LINGO1: variants seen among roughly 807,000 people sequenced by gnomAD.
LINGO1 encodes leucine rich repeat and Ig domain containing 1.
A neutral mutation model predicts 37.3 loss-of-function variants in LINGO1; 11 were observed. That is an observed-to-expected ratio of 0.29 (90% confidence interval 0.19 to 0.49). The LOEUF is 0.49. Ranked by LOEUF, LINGO1 falls within the 20% of genes least tolerant of loss-of-function variation. LINGO1 has a pLI of 0.99. For synonymous variants in LINGO1, 387 were observed against 403.0 expected (o/e 0.96, Z 0.48); for missense variants, 585 against 878.2 (o/e 0.67, Z 4.22).
chr15:77,649,225 G>A (rs1037830791), intron 3 of LINGO1: 1 of 152,228 alleles, frequency 6.6e-6, no homozygotes, highest in African/African-American at 2.4e-5. Flanking sequence ...ATATAAATGG[G>A]AATGTTCTAG....
chr15:77,794,636 G>A (rs1312158794), intron 2 of LINGO1, among the ~76,000 whole-genome samples: 1 of 145,834 alleles, frequency 6.9e-6, no homozygotes, highest in Non-Finnish European at 1.5e-5. Flanking sequence ...CGCCCAGGCT[G>A]GAGTGCAGTG....
intron 1 of LINGO1, among the ~76,000 whole-genome samples, chr15:77,800,910 A>C (rs2076912900): frequency 6.6e-6 from 1 of 152,244 alleles, no homozygotes; most frequent in South Asian, 2.1e-4. Context: ...CAATAAATGC[A>C]TGAAAAGATG....
intron 3 of LINGO1, among the ~76,000 whole-genome samples, chr15:77,645,935 G>A (rs557907221): frequency 3.3e-4 from 50 of 152,336 alleles, no homozygotes; most frequent in African/African-American, 1.0e-3. Flanking sequence ...AGGTGGCCTC[G>A]GTGTGGCTGG....
chr15:77,813,807 G>C (rs2077026431), intron 1 of LINGO1, among the ~76,000 whole-genome samples: 1 of 152,200 alleles, frequency 6.6e-6, no homozygotes, highest in Non-Finnish European at 1.5e-5. Flanking sequence ...GTCCAAAGGG[G>C]AAAGCCGAGG....
chr15:77,669,163 G>C (rs896804375), intron 3 of LINGO1, among the ~76,000 whole-genome samples: 2 of 152,254 alleles, frequency 1.3e-5, no homozygotes, highest in Non-Finnish European at 2.9e-5. Flanking sequence ...TCTGCTGCAG[G>C]CCTGGCAAGG....
At chr15:77,667,621 C>T (rs527738299) in intron 3 of LINGO1, 1 of 152,346 alleles carries the variant, frequency 6.6e-6, no homozygotes, top group South Asian at 2.1e-4. Flanking sequence ...GTCAGTGTGA[C>T]ATTAATGGGC....
chr15:77,809,555 G>C (rs748119619), intron 1 of LINGO1, among the ~76,000 whole-genome samples: 1 of 152,122 alleles, frequency 6.6e-6, no homozygotes, highest in Admixed American at 6.5e-5. Context: ...GCCCCGACCC[G>C]ATTCCTGGAC....
chr15:77,624,294 C>T (rs1016912908), intron 1 of LINGO1, among the ~76,000 whole-genome samples: 1 of 152,008 alleles, frequency 6.6e-6, no homozygotes. Flanking sequence ...CGGCCCCCAG[C>T]TCCATCACTC....
At chr15:77,706,683 C>A (rs1173500040) in intron 2 of LINGO1, among the ~76,000 whole-genome samples, 1 of 152,246 alleles carries the variant, frequency 6.6e-6, no homozygotes, top group Non-Finnish European at 1.5e-5. Flanking sequence ...GAAGCCCTCC[C>A]AGACTGCCCA....
At chr15:77,756,735 C>T (rs931376924) in intron 1 of LINGO1, among the ~76,000 whole-genome samples, 1 of 152,232 alleles carries the variant, frequency 6.6e-6, no homozygotes, top group African/African-American at 2.4e-5. Flanking sequence ...AAGACAATTG[C>T]AAAGGTGTCA....
chr15:77,661,712 C>T (rs762049544), intron 3 of LINGO1, among the ~76,000 whole-genome samples: 13 of 152,206 alleles, frequency 8.5e-5, no homozygotes, highest in Non-Finnish European at 1.6e-4. Flanking sequence ...CCCTACTGAT[C>T]GCCCCACCCT....
chr15:77,771,340 C>T (rs1385587386), intron 1 of LINGO1, among the ~76,000 whole-genome samples: 1 of 152,216 alleles, frequency 6.6e-6, no homozygotes, highest in African/African-American at 2.4e-5. Flanking sequence ...GATGAGGGAA[C>T]GAGACTTGCC....
At chr15:77,742,266 G>A (rs1484950036) in intron 1 of LINGO1, among the ~76,000 whole-genome samples, 1 of 152,224 alleles carries the variant, frequency 6.6e-6, no homozygotes, top group African/African-American at 2.4e-5. Flanking sequence ...CCCCCACCCT[G>A]GCTTGCAGGC....
chr15:77,692,588 C>T (rs773819091), intron 1 of LINGO1, among the ~76,000 whole-genome samples: 5 of 152,234 alleles, frequency 3.3e-5, no homozygotes, highest in African/African-American at 9.6e-5. Flanking sequence ...CGAGAGACCT[C>T]GACTGTGAAT....
intron 2 of LINGO1, among the ~76,000 whole-genome samples, chr15:77,724,213 T>C (rs1567548412): frequency 6.6e-6 from 1 of 152,202 alleles, no homozygotes; most frequent in East Asian, 1.9e-4. Context: ...AGCACATACC[T>C]GTGCCCACAC....
chr15:77,786,632 G>A (rs1280522939), intron 1 of LINGO1, among the ~76,000 whole-genome samples: 6 of 152,294 alleles, frequency 3.9e-5, no homozygotes, highest in African/African-American at 1.2e-4. Flanking sequence ...CACTCCCGCC[G>A]CCCTCCATGC....
At chr15:77,759,379 G>A (rs563333432) in intron 1 of LINGO1, among the ~76,000 whole-genome samples, 3 of 152,292 alleles carry the variant, frequency 2.0e-5, no homozygotes, top group African/African-American at 4.8e-5. Flanking sequence ...CCAGGGGCCC[G>A]CAACGCCTGC....
At chr15:77,799,375 G>C (rs752324464) in intron 1 of LINGO1, among the ~76,000 whole-genome samples, 11 of 152,118 alleles carry the variant, frequency 7.2e-5, no homozygotes, top group Non-Finnish European at 1.6e-4. Context: ...ATGCTTCTAA[G>C]AGACCTCTGA....
intron 2 of LINGO1, among the ~76,000 whole-genome samples, chr15:77,731,894 G>T (rs1368436297): frequency 1.3e-5 from 2 of 152,206 alleles, no homozygotes; most frequent in South Asian, 2.1e-4. Context: ...GAGACAGCAG[G>T]GAAGAAGCTG....
Sources: allele counts gnomAD v4.1 joint callset (sites outside exome capture counted in the v4.1 genomes callset), GRCh38; gene constraint gnomAD v4.1.1; transcripts MANE v1.5; gene names NCBI Gene and HGNC (gene_info 2026-07-23, HGNC 2026-07-21).